Variants in ABTB2 observed in about 807,000 individuals in gnomAD.
ABTB2 encodes ankyrin repeat and BTB domain containing 2.
ABTB2 carries 56 observed loss-of-function variants against 104.1 expected under a neutral mutation model. The ratio of observed to expected loss-of-function variants is 0.54; its 90% CI spans 0.43 to 0.67. The LOEUF is 0.67. ABTB2 is among the 30% of genes least tolerant of loss of function. The pLI, the probability that ABTB2 is intolerant of heterozygous loss-of-function variation, is 0.00. For missense variants in ABTB2, 1,279 were observed against 1,407.7 expected, an observed-to-expected ratio of 0.91 and a Z score of 1.46; for synonymous variants, 606 against 608.2, an observed-to-expected ratio of 1.00 and a Z score of 0.05.
At position 34,285,347 on chromosome 11, in the gene ABTB2, A is replaced by G. The variant is rs574804726; in HGVS notation, c.883+71354T>C. ...CACTATCGGGGGTCCCTGGGGATTC[A>G]TCATTATATAGCAGGACCTAGTGCG... On this transcript the variant is annotated intron_variant, in intron 1 of 16. Transcript: ENST00000435224. 2.0e-5 allele frequency among the ~76,000 whole-genome samples: 3 copies of G among 152,200 alleles called. No individual in the cohort carries two copies. In the South Asian group the frequency reaches 6.2e-4, roughly 32 times the overall value.
At chr11:34,262,458 T>G (rs1854199018) in intron 1 of ABTB2, among the ~76,000 whole-genome samples, 1 of 152,126 alleles carries the variant, frequency 6.6e-6, no homozygotes, top group African/African-American at 2.4e-5. Flanking sequence ...CCAGCGGAAC[T>G]AGACAAGACA....
chr11:34,272,669 T>C (rs1457155244), intron 1 of ABTB2, among the ~76,000 whole-genome samples: 6 of 126,122 alleles, frequency 4.8e-5, no homozygotes, highest in Non-Finnish European at 9.2e-5. Context: ...ACCACACCAC[T>C]GCACTCCAGC....
At chr11:34,202,167 T>G (rs996540572) in intron 2 of ABTB2, among the ~76,000 whole-genome samples, 1 of 152,216 alleles carries the variant, frequency 6.6e-6, no homozygotes, top group African/African-American at 2.4e-5. Flanking sequence ...ATCAGTGCTT[T>G]AATAAAATCA....
intron 1 of ABTB2, among the ~76,000 whole-genome samples, chr11:34,254,242 AG>A (rs1445163787): frequency 2.0e-5 from 3 of 151,952 alleles, no homozygotes; most frequent in African/African-American, 7.3e-5. Context: ...CGAGAAATAA[AG>A]GGAAGCTTTT....
intron 1 of ABTB2, among the ~76,000 whole-genome samples, chr11:34,315,101 G>A (rs1463903071): frequency 6.6e-6 from 1 of 152,236 alleles, no homozygotes; most frequent in Non-Finnish European, 1.5e-5. Flanking sequence ...AAAGAGGCCT[G>A]CACTCGCGCG....
At chr11:34,156,215 TA>T (rs1802069096) in intron 14 of ABTB2, among the ~76,000 whole-genome samples, 1 of 152,222 alleles carries the variant, frequency 6.6e-6, no homozygotes, top group African/African-American at 2.4e-5. Context: ...CTTGAATGCA[TA>T]TGAGGCCACA....
In ABTB2 at chr11:34,326,740, T is replaced by C. The variant is rs572405913; in HGVS notation, c.883+29961A>G. ...TAAAATAACAGAAACTAGATCCAAA[T>C]ACATAAACAATTAGATTAAATGTAA... On this transcript the variant is annotated intron_variant, in intron 1 of 16. Coordinates refer to ENST00000435224, the MANE Select transcript of ABTB2 (RefSeq NM_145804.3). Among the ~76,000 whole-genome samples, 3 of 151,532 alleles carry C rather than the reference T, an allele frequency of 2.0e-5. No homozygotes were observed. The South Asian group carries it at 6.3e-4, about 32-fold the overall frequency.
chr11:34,350,114 G>T (rs930094231), intron 1 of ABTB2, among the ~76,000 whole-genome samples: 1 of 152,080 alleles, frequency 6.6e-6, no homozygotes, highest in Non-Finnish European at 1.5e-5. Context: ...AATCAATCTG[G>T]GACTCAATTC....
At chr11:34,195,088 T>TGGGGGGGGGGGGGGGGGGGGGGGGGGGG (rs1565137708) in intron 3 of ABTB2, among the ~76,000 whole-genome samples, 1 of 33,252 alleles carries the variant, frequency 3.0e-5, no homozygotes, top group Non-Finnish European at 7.3e-5. Context: ...GGGGGGGGAG[T>TGGGGGGGGGGGGGGGGGGGGGGGGGGGG]GGGGGCGGGA....
intron 5 of ABTB2, among the ~76,000 whole-genome samples, chr11:34,168,779 C>T (rs1170799919): frequency 6.6e-6 from 1 of 152,232 alleles, no homozygotes; most frequent in Non-Finnish European, 1.5e-5. Flanking sequence ...CAAGCTGAGT[C>T]CTGCTGTCTC....
intron 1 of ABTB2, among the ~76,000 whole-genome samples, chr11:34,251,692 G>A (rs1020696079): frequency 6.6e-5 from 10 of 152,280 alleles, no homozygotes; most frequent in Admixed American, 1.3e-4. Flanking sequence ...GCAAAAAGGT[G>A]AGTATGTTCT....
In ABTB2 at chr11:34,154,122, C is replaced by T; in HGVS notation, c.2880+143G>A. 1.6e-6 allele frequency: 1 copy of T among 644,220 alleles called. No individual in the cohort carries two copies. The highest frequency in any genetic ancestry group is 2.8e-6 in the Non-Finnish European group (1 of 356,068). The allele number at this position is 644,220 out of a possible 1,614,324, so 39.9% of individuals were successfully genotyped here. The stretch of plus-strand genomic sequence containing the variant: ...CCAGGCAACACAGGGAGTTGCTAAC[C>T]CTCCCTCAGCCTCTACACTGCCCTC... On this transcript the variant is annotated intron_variant, in intron 16 of 16. Transcript: ENST00000435224. This position sits in a 1 kb window ranked among gnomAD's most constrained non-coding sequence, Gnocchi z 4.9.
Position 34,311,889 on chromosome 11 carries a change from C to T in ABTB2, c.883+44812G>A, listed in dbSNP as rs996352536. Among the ~76,000 whole-genome samples, 5 of 152,230 alleles carry T rather than the reference C, an allele frequency of 3.3e-5. No individual in the cohort carries two copies. The East Asian group carries it at 5.8e-4, about 18-fold the overall frequency. Reference sequence around the variant, plus strand: ...GGCATGGTGGCTCACACCTGTAATCCCAGCACTTTGGGAGGCCAAGGTGGG... The same window carrying T: ...GGCATGGTGGCTCACACCTGTAATCTCAGCACTTTGGGAGGCCAAGGTGGG... On this transcript the variant is annotated intron_variant, in intron 1 of 16. Transcript: ENST00000435224.
At chr11:34,219,907 G>A (rs1853596888) in intron 1 of ABTB2, among the ~76,000 whole-genome samples, 1 of 152,206 alleles carries the variant, frequency 6.6e-6, no homozygotes, top group Non-Finnish European at 1.5e-5. Context: ...GAGGACTTTT[G>A]CTATGTGCTG....
At chr11:34,316,886 C>T (rs1055328006) in intron 1 of ABTB2, among the ~76,000 whole-genome samples, 3 of 152,094 alleles carry the variant, frequency 2.0e-5, no homozygotes, top group Non-Finnish European at 4.4e-5. Context: ...ACAGTTCTTA[C>T]CCTGGACACA....
intron 1 of ABTB2, among the ~76,000 whole-genome samples, chr11:34,316,726 A>T (rs1854935573): frequency 6.6e-6 from 1 of 152,228 alleles, no homozygotes; most frequent in Non-Finnish European, 1.5e-5. Flanking sequence ...TGTGATAAAA[A>T]CCGCACCAAT....
At chr11:34,172,395 AAT>A (rs71037402) in intron 4 of ABTB2, among the ~76,000 whole-genome samples, 525 of 29,052 alleles carry the variant, frequency 0.018, 27 homozygotes, top group African/African-American at 0.05. Context: ...AAAAAAAAAA[AAT>A]ATATATATAT....
intron 1 of ABTB2, among the ~76,000 whole-genome samples, chr11:34,238,189 G>A (rs1294131523): frequency 6.6e-6 from 1 of 152,150 alleles, no homozygotes; most frequent in African/African-American, 2.4e-5. Context: ...GCTAGCCACA[G>A]GGCCTTTGAA....
intron 3 of ABTB2, among the ~76,000 whole-genome samples, chr11:34,190,408 C>T (rs1028062984): frequency 6.6e-6 from 1 of 152,202 alleles, no homozygotes; most frequent in Non-Finnish European, 1.5e-5. Context: ...CACCATCATG[C>T]ACCTGAGCTT....
Sources: allele counts gnomAD v4.1 joint callset (sites outside exome capture counted in the v4.1 genomes callset), GRCh38; gene constraint gnomAD v4.1.1; non-coding constraint Gnocchi (gnomAD v3.1); transcripts MANE v1.5; gene names NCBI Gene and HGNC (gene_info 2026-07-23, HGNC 2026-07-21).